The following SNX29 variants were observed in gnomAD, a reference collection of about 807,000 sequenced individuals.
The protein encoded by SNX29 is sorting nexin-29.
In SNX29, 78 loss-of-function variants were observed where a neutral mutation model predicts 102.1. The ratio of observed to expected loss-of-function variants is 0.76; its 90% CI spans 0.64 to 0.92. The LOEUF is 0.92. SNX29 is among the 40% of genes least tolerant of loss of function. SNX29 has a pLI of 0.00. For missense variants in SNX29, 1,280 were observed against 1,061.7 expected (o/e 1.21, Z -2.86); for synonymous variants, 580 against 414.5 (o/e 1.40, Z -4.85).
chr16:12,178,535 T>G (rs2076312358), intron 13 of SNX29, among the ~76,000 whole-genome samples: 1 of 152,206 alleles, frequency 6.6e-6, no homozygotes. Context: ...ATGTCCTGAA[T>G]GTTCCGTCAT....
In SNX29 at chr16:12,049,459, A is replaced by T. The variant is rs111596536; in HGVS notation, c.748+839A>T. The stretch of plus-strand genomic sequence containing the variant: ...GCAATTCTCCTGCCTCAACCTTCTG[A>T]GTAGGTGGGACTATAGGCATGTGCC... On this transcript the variant is annotated intron_variant, in intron 7 of 20. Coordinates refer to ENST00000566228, the MANE Select transcript of SNX29 (RefSeq NM_032167.5). 5.1e-3 allele frequency among the ~76,000 whole-genome samples: 774 copies of T among 151,478 alleles called. 13 individuals are homozygous for T. Among genetic ancestry groups the T allele is most frequent in the African/African-American group, 0.017 (711 of 41,212 alleles).
intron 3 of SNX29, among the ~76,000 whole-genome samples, chr16:12,014,255 C>G (rs1180707282): frequency 6.6e-6 from 1 of 151,970 alleles, no homozygotes; most frequent in Non-Finnish European, 1.5e-5. Context: ...TGTTTTTCTC[C>G]ATTCTCTTTT....
chr16:12,284,652 G>A (rs943455293), intron 15 of SNX29, among the ~76,000 whole-genome samples: 1 of 151,960 alleles, frequency 6.6e-6, no homozygotes, highest in Non-Finnish European at 1.5e-5. Flanking sequence ...TAGACTAATA[G>A]CAATGAGTCT....
At chr16:12,446,422 A>T (rs2086057198) in intron 18 of SNX29, among the ~76,000 whole-genome samples, 2 of 152,218 alleles carry the variant, frequency 1.3e-5, no homozygotes, top group African/African-American at 4.8e-5. Flanking sequence ...AGCTCAGCAG[A>T]GTCATTAATT....
At chr16:12,049,480 G>A (rs2050219013) in intron 7 of SNX29, among the ~76,000 whole-genome samples, 1 of 152,010 alleles carries the variant, frequency 6.6e-6, no homozygotes, top group South Asian at 2.1e-4. Flanking sequence ...CTATAGGCAT[G>A]TGCCAACATG....
intron 2 of SNX29, among the ~76,000 whole-genome samples, chr16:12,000,714 G>T (rs2056257694): frequency 6.6e-6 from 1 of 152,086 alleles, no homozygotes; most frequent in Non-Finnish European, 1.5e-5. Context: ...ATTGAAGTGA[G>T]CCCAGAGAAT....
intron 14 of SNX29, among the ~76,000 whole-genome samples, chr16:12,234,067 G>A (rs1354006844): frequency 1.3e-5 from 2 of 152,146 alleles, no homozygotes; most frequent in East Asian, 1.9e-4. Context: ...GAACATTCAC[G>A]TACAAGTTGT....
At chr16:12,561,446 G>A (rs1259377715) in intron 20 of SNX29, among the ~76,000 whole-genome samples, 1 of 152,120 alleles carries the variant, frequency 6.6e-6, no homozygotes, top group East Asian at 1.9e-4. Context: ...AGCCCTCTAA[G>A]CTTCAAAGGC....
chr16:12,496,236 CAG>C (rs1241294731), intron 19 of SNX29, among the ~76,000 whole-genome samples: 1 of 152,198 alleles, frequency 6.6e-6, no homozygotes, highest in East Asian at 1.9e-4. Context: ...AGTTGTGACA[CAG>C]GGGTAGTCAG....
chr16:11,991,616 C>T (rs2055853056), intron 1 of SNX29, among the ~76,000 whole-genome samples: 1 of 150,776 alleles, frequency 6.6e-6, no homozygotes, highest in South Asian at 2.1e-4. Context: ...GATCTCGGCT[C>T]ACTGCAACCT....
chr16:12,539,819 T>C lies in SNX29; in HGVS notation c.2318+14978T>C, dbSNP rs560696247. Reference sequence around the variant, plus strand: ...CATATTTTCATGTGGATGTTTTCCTTTAACACATCCTCTTTGGGGAAGTAA... The same window carrying C: ...CATATTTTCATGTGGATGTTTTCCTCTAACACATCCTCTTTGGGGAAGTAA... On this transcript the variant is annotated intron_variant, in intron 20 of 20. Coordinates refer to ENST00000566228, the MANE Select transcript of SNX29 (RefSeq NM_032167.5). 3.3e-5 allele frequency among the ~76,000 whole-genome samples: 5 copies of C among 152,336 alleles called. No homozygotes were observed. The East Asian group carries it at 9.6e-4, about 29-fold the overall frequency.
Position 12,080,043 on chromosome 16 carries a change from A to G in SNX29, c.1402+1128A>G, listed in dbSNP as rs547525279. ...TGGTATGTTTTATATATTTTAATAC[A>G]TTTTCCTGAATAGGAGCCCATGGTT... On this transcript the variant is annotated intron_variant, in intron 11 of 20. Transcript: ENST00000566228. 3.5e-4 allele frequency among the ~76,000 whole-genome samples: 53 copies of G among 152,230 alleles called. No individual in the cohort carries two copies. In the Middle Eastern group the frequency reaches 0.01, roughly 29 times the overall value.
chr16:12,052,690 G>C (rs1204584902), intron 8 of SNX29: 1 of 183,942 alleles, frequency 5.4e-6, no homozygotes, highest in Non-Finnish European at 1.2e-5. Context: ...AGAACTGAAA[G>C]AGGGGAAAGG....
intron 19 of SNX29, among the ~76,000 whole-genome samples, chr16:12,520,112 T>C (rs1178071784): frequency 1.3e-5 from 2 of 152,202 alleles, no homozygotes; most frequent in Non-Finnish European, 2.9e-5. Context: ...TCAGGTCACA[T>C]TCTACCGAGT....
chr16:12,542,249 T>C (rs1012191970), intron 20 of SNX29, among the ~76,000 whole-genome samples: 6 of 151,234 alleles, frequency 4.0e-5, no homozygotes, highest in Non-Finnish European at 5.9e-5. Context: ...TTATTCCCTT[T>C]ATAGATGAGG....
chr16:12,541,807 A>C (rs114580646), intron 20 of SNX29, among the ~76,000 whole-genome samples: 15 of 152,274 alleles, frequency 9.9e-5, no homozygotes, highest in Middle Eastern at 3.4e-3. Flanking sequence ...TTCAGAGGGC[A>C]GGAACCAAGC....
intron 18 of SNX29, among the ~76,000 whole-genome samples, chr16:12,411,704 C>G (rs1462706719): frequency 6.6e-6 from 1 of 152,072 alleles, no homozygotes; most frequent in Admixed American, 6.6e-5. Context: ...ACTAGTTTAG[C>G]AAGAAGGCAG....
At chr16:12,503,933 A>G (rs150241345) in intron 19 of SNX29, among the ~76,000 whole-genome samples, 6 of 152,304 alleles carry the variant, frequency 3.9e-5, no homozygotes, top group Admixed American at 2.6e-4. Flanking sequence ...TTAACCATTT[A>G]AAATGCACAA....
chr16:12,205,553 G>A (rs2077024162), intron 14 of SNX29, among the ~76,000 whole-genome samples: 1 of 152,094 alleles, frequency 6.6e-6, no homozygotes, highest in South Asian at 2.1e-4. Context: ...ATGCCAGGCT[G>A]GCTCCTGCCT....
Sources: allele counts gnomAD v4.1 joint callset (sites outside exome capture counted in the v4.1 genomes callset), GRCh38; gene constraint gnomAD v4.1.1; transcripts MANE v1.5; gene names NCBI Gene and HGNC (gene_info 2026-07-23, HGNC 2026-07-21).